GABRA2: variants seen among roughly 807,000 people sequenced by gnomAD.
GABRA2 encodes gamma-aminobutyric acid receptor subunit alpha-2.
Under a neutral mutation model 48.7 loss-of-function variants are expected in GABRA2, and 16 were observed. The ratio of observed to expected loss-of-function variants is 0.33; its 90% confidence interval spans 0.22 to 0.50. The LOEUF (loss-of-function observed/expected upper bound fraction) is 0.50, where lower values mean the gene tolerates loss of function less well. Ranked by LOEUF, GABRA2 falls within the 20% of genes least tolerant of loss-of-function variation. The pLI is 0.98. For synonymous variants in GABRA2, 185 were observed against 184.5 expected (o/e 1.00, Z -0.02); for missense variants, 275 against 535.6 (o/e 0.51, Z 4.80).
intron 3 of GABRA2, among the ~76,000 whole-genome samples, chr4:46,344,240 A>G (rs1207282409): frequency 1.3e-5 from 2 of 151,954 alleles, no homozygotes; most frequent in African/African-American, 4.8e-5. Context: ...ACAGTATCTC[A>G]AAGACTAGAG....
At position 46,245,285 on chromosome 4, in the gene GABRA2, A is replaced by T. The variant is rs540316245; in HGVS notation, c.*5023T>A. Among the ~76,000 whole-genome samples, 1 of 151,360 alleles carries T rather than the reference A, an allele frequency of 6.6e-6. No homozygotes were observed. Among genetic ancestry groups the T allele is most frequent in the Non-Finnish European group, 1.5e-5 (1 of 67,506 alleles). ...AAGGTATGAAACAAATCAGTAATGA[A>T]TATACATAACTTTGTATTTGTAAAT... On this transcript the variant is annotated 3_prime_UTR_variant, in exon 10 of 10. Transcript: ENST00000381620.
chr4:46,371,830 T>C (rs1166851166), intron 3 of GABRA2, among the ~76,000 whole-genome samples: 1 of 152,136 alleles, frequency 6.6e-6, no homozygotes, highest in Non-Finnish European at 1.5e-5. Flanking sequence ...GTCAAAAAAT[T>C]GATATTATAA....
At chr4:46,266,289 AAATT>A (rs1390202748) in intron 8 of GABRA2, among the ~76,000 whole-genome samples, 1 of 148,014 alleles carries the variant, frequency 6.8e-6, no homozygotes, top group African/African-American at 2.4e-5. Flanking sequence ...GATAGTAAAC[AAATT>A]ATTATATTTA....
chr4:46,339,626 T>C (rs1732875198), intron 3 of GABRA2, among the ~76,000 whole-genome samples: 1 of 151,912 alleles, frequency 6.6e-6, no homozygotes, highest in Non-Finnish European at 1.5e-5. Context: ...ATATATGCTA[T>C]CAGAGTATAC....
At chr4:46,380,900 T>A (rs75770836) in intron 3 of GABRA2, among the ~76,000 whole-genome samples, 96 of 152,254 alleles carry the variant, frequency 6.3e-4, no homozygotes, top group African/African-American at 2.3e-3. Context: ...AGGATAAATA[T>A]CCAAGAGTAA....
At chr4:46,270,855 G>A (rs548339848) in intron 8 of GABRA2, among the ~76,000 whole-genome samples, 1 of 151,798 alleles carries the variant, frequency 6.6e-6, no homozygotes, top group African/African-American at 2.4e-5. Flanking sequence ...TCAAACTAAG[G>A]TAGGTAGTTT....
intron 8 of GABRA2, 143 bp downstream of exon 8, chr4:46,303,317 C>A: frequency 1.4e-6 from 1 of 730,522 alleles, no homozygotes; most frequent in Admixed American, 2.5e-5. Context: ...CACTCTGAGC[C>A]TACTTCTTCA....
intron 4 of GABRA2, among the ~76,000 whole-genome samples, chr4:46,330,622 A>C (rs1046409640): frequency 6.7e-6 from 1 of 148,660 alleles, no homozygotes; most frequent in Non-Finnish European, 1.5e-5. Flanking sequence ...GTTTTAGGTA[A>C]AATAATTCAC....
chr4:46,312,624 T>G lies in GABRA2; in HGVS notation c.348A>C (p.Leu116Phe). ...GPMNILRLNN[L>F]MASKIWTPDT... ...CTGGAGTCCAGATTTTGCTAGCCAT[T>G]AAATTGTTTAGTCGAAGGATATTCA... Residue 116 changes from leucine to phenylalanine, a missense_variant, in exon 5 of 10, where the codon TTA becomes TTC. Leu to Phe is a conservative substitution (Grantham distance 22). Around this residue, in one of 4 missense-constraint regions of GABRA2, gnomAD observed 113 missense variants for 257.1 expected, o/e 0.44. Coordinates refer to ENST00000381620, the MANE Select transcript of GABRA2 (RefSeq NM_000807.4). The G allele has an allele frequency of 6.4e-7, 1 of 1,569,274 alleles. No homozygotes were observed. The highest frequency in any genetic ancestry group is 1.2e-5 in the South Asian group (1 of 84,542).
At chr4:46,258,599 C>G (rs1486252596) in intron 9 of GABRA2, among the ~76,000 whole-genome samples, 1 of 151,654 alleles carries the variant, frequency 6.6e-6, no homozygotes, top group East Asian at 1.9e-4. Context: ...GAACAGATGC[C>G]AGGGAAGCTG....
chr4:46,324,696 T>C (rs143227641), intron 4 of GABRA2, among the ~76,000 whole-genome samples: 83 of 151,938 alleles, frequency 5.5e-4, no homozygotes, highest in African/African-American at 2.0e-3. Context: ...ACAGTATCCA[T>C]AGGTAGTTTT....
intron 3 of GABRA2, among the ~76,000 whole-genome samples, chr4:46,377,689 A>G: frequency 7.2e-6 from 1 of 138,200 alleles, no homozygotes; most frequent in Non-Finnish European, 1.6e-5. Context: ...GGAAGTGAGG[A>G]GCCCCTCTGC....
chr4:46,307,379 A>G (rs1353433878), intron 6 of GABRA2, among the ~76,000 whole-genome samples: 2 of 151,880 alleles, frequency 1.3e-5, no homozygotes, highest in Non-Finnish European at 2.9e-5. Flanking sequence ...AGATACATCA[A>G]ATGATCTACT....
At position 46,278,573 on chromosome 4, in the gene GABRA2, T is replaced by A. The variant is rs142109291; in HGVS notation, c.857-16445A>T. On this transcript the variant is annotated intron_variant, in intron 8 of 9. Coordinates refer to ENST00000381620, the MANE Select transcript of GABRA2 (RefSeq NM_000807.4). ...CCTCTTTATGGTACAATAATATCAT[T>A]ATTAAGGACTTTCTGCCTACAAAAT... Among the ~76,000 whole-genome samples, 54 of 152,290 alleles carry A rather than the reference T, an allele frequency of 3.5e-4. No homozygotes were observed. The Middle Eastern group carries it at 0.014, about 38-fold the overall frequency.
chr4:46,346,937 A>G (rs1280253040), intron 3 of GABRA2, among the ~76,000 whole-genome samples: 1 of 151,962 alleles, frequency 6.6e-6, no homozygotes, highest in Non-Finnish European at 1.5e-5. Flanking sequence ...GCTGCAAACT[A>G]CAAAGTTAAC....
intron 8 of GABRA2, among the ~76,000 whole-genome samples, chr4:46,263,242 C>T (rs372966056): frequency 6.6e-6 from 1 of 152,016 alleles, no homozygotes; most frequent in South Asian, 2.1e-4. Context: ...AAAATTGATA[C>T]TCTCCTGGTA....
intron 8 of GABRA2, among the ~76,000 whole-genome samples, chr4:46,267,378 C>T (rs1001585339): frequency 6.6e-6 from 1 of 152,046 alleles, no homozygotes; most frequent in East Asian, 1.9e-4. Flanking sequence ...TTAGTTCTTT[C>T]GACAGGGTCT....
At chr4:46,378,529 C>G (rs1404772666) in intron 3 of GABRA2, among the ~76,000 whole-genome samples, 2 of 151,774 alleles carry the variant, frequency 1.3e-5, no homozygotes, top group Non-Finnish European at 2.9e-5. Flanking sequence ...TGCGGAAGGC[C>G]ACAGGGTCCT....
chr4:46,364,624 C>T (rs1377642638), intron 3 of GABRA2: 2 of 152,204 alleles, frequency 1.3e-5, no homozygotes, highest in Non-Finnish European at 2.9e-5. Flanking sequence ...TTCCCATTTT[C>T]CCTGCTGGCT....
Sources: allele counts gnomAD v4.1 joint callset (sites outside exome capture counted in the v4.1 genomes callset), GRCh38; gene constraint gnomAD v4.1.1; regional missense constraint gnomAD v4.1.1; transcripts MANE v1.5; gene names NCBI Gene and HGNC (gene_info 2026-07-23, HGNC 2026-07-21).